Variants in UNC80 observed in about 807,000 individuals in gnomAD.
The protein encoded by UNC80 is protein unc-80 homolog.
In UNC80, 164 loss-of-function variants were observed where a neutral mutation model predicts 384.6. The ratio of observed to expected loss-of-function variants is 0.43; its 90% CI spans 0.38 to 0.49. The LOEUF (loss-of-function observed/expected upper bound fraction) is 0.49, where lower values mean the gene tolerates loss of function less well. Among genes scored for constraint, UNC80 ranks in the 20% least tolerant of loss-of-function variants. The pLI is 0.00. For missense variants in UNC80, 3,330 were observed against 4,143.0 expected (o/e 0.80, Z 5.39); for synonymous variants, 1,486 against 1,527.8 (o/e 0.97, Z 0.64).
At chr2:209,921,075 G>A (rs760651654) in intron 33 of UNC80, among the ~76,000 whole-genome samples, 15 of 152,070 alleles carry the variant, frequency 9.9e-5, no homozygotes, top group Admixed American at 2.6e-4. Flanking sequence ...TGATCCACCC[G>A]CCTCAGCCTT....
Position 209,984,865 on chromosome 2 carries a change from T to C in UNC80, c.9267T>C (p.Asn3089=). ...CCTACCCCTCCTGCAGTGAACCTAA[T>C]GTCCTCGATGACTCCCAGGGCCTGG... is the stretch of plus-strand genomic sequence containing the variant. ...VGMLPSQSEP[N]VLDDSQGLAA... is the part of the protein sequence containing the mutation. The change falls in exon 61 of 65, where the codon AAT becomes AAC. Residue 3089 remains asparagine, a synonymous_variant. Coordinates refer to ENST00000673920, the MANE Select transcript of UNC80 (RefSeq NM_001371986.1). The C allele has an allele frequency of 6.4e-7, 1 of 1,550,650 alleles. No homozygotes were observed. The highest frequency in any genetic ancestry group is 1.7e-4 in the Middle Eastern group (1 of 5,988).
At chr2:209,826,465 G>A (rs2080528294) in intron 14 of UNC80, among the ~76,000 whole-genome samples, 1 of 152,154 alleles carries the variant, frequency 6.6e-6, no homozygotes, top group Non-Finnish European at 1.5e-5. Flanking sequence ...AAAGTTTTAG[G>A]ACCTGGTTTG....
At chr2:209,781,184 A>T (rs779858119) in intron 4 of UNC80, among the ~76,000 whole-genome samples, 2 of 152,014 alleles carry the variant, frequency 1.3e-5, no homozygotes, top group Admixed American at 1.3e-4. Flanking sequence ...TTACTCTTCA[A>T]TCTCTTATTC....
intron 7 of UNC80, among the ~76,000 whole-genome samples, chr2:209,797,321 C>T (rs924164946): frequency 5.9e-5 from 9 of 152,124 alleles, no homozygotes; most frequent in Non-Finnish European, 1.3e-4. Context: ...AGTTCCCTCA[C>T]CTCACCCCCA....
chr2:209,824,841 T>C (rs2080394694), intron 13 of UNC80, among the ~76,000 whole-genome samples: 1 of 152,172 alleles, frequency 6.6e-6, no homozygotes, highest in South Asian at 2.1e-4. Context: ...TTTGAGTACT[T>C]ATATCTGGTT....
intron 59 of UNC80, among the ~76,000 whole-genome samples, 157 bp from the exon 60 acceptor site, chr2:209,982,022 G>GT (rs2093169332): frequency 6.6e-6 from 1 of 152,290 alleles, no homozygotes; most frequent in Non-Finnish European, 1.5e-5. Context: ...AAAGGTCTAA[G>GT]TTTTTTTATC....
chr2:209,775,196 A>G (rs920573772), intron 2 of UNC80, among the ~76,000 whole-genome samples: 1 of 152,200 alleles, frequency 6.6e-6, no homozygotes, highest in African/African-American at 2.4e-5. Context: ...CCGGAGTGCT[A>G]CACTCTCTGA....
At chr2:209,823,296 A>G (rs1194018620) in intron 13 of UNC80, among the ~76,000 whole-genome samples, 3 of 152,248 alleles carry the variant, frequency 2.0e-5, no homozygotes, top group African/African-American at 7.2e-5. Flanking sequence ...ACCTGAATAG[A>G]TATTTACAAA....
intron 60 of UNC80, among the ~76,000 whole-genome samples, chr2:209,984,179 C>G (rs2093228659): frequency 6.6e-6 from 1 of 152,236 alleles, no homozygotes; most frequent in Non-Finnish European, 1.5e-5. Flanking sequence ...TAATTATTCT[C>G]TCACCAACCT....
At chr2:209,773,027 G>A (rs114097038) in intron 1 of UNC80, 67 bp from the exon 2 acceptor site, 16,116 of 1,280,516 alleles carry the variant, frequency 0.013, 120 homozygotes, top group Non-Finnish European at 0.014. Flanking sequence ...TGAAAAATAC[G>A]TCACAAGGAT....
intron 42 of UNC80, among the ~76,000 whole-genome samples, 185 bp from the exon 43 acceptor site, chr2:209,939,287 T>A (rs2091465229): frequency 6.6e-6 from 1 of 152,186 alleles, no homozygotes. Flanking sequence ...AAGAGGCAAT[T>A]GAGAATTGTT....
At position 209,964,656 on chromosome 2, in the gene UNC80, C is replaced by T. The variant is rs193064011; in HGVS notation, c.7806-2781C>T. On this transcript the variant is annotated intron_variant, in intron 51 of 64. Transcript: ENST00000673920. ...TACAAAAATTAGCTGGGCGTGGTGG[C>T]ATGCGCCTGTAGTCCCAGCTACTCA... Among the ~76,000 whole-genome samples the T allele has an allele frequency of 1.6e-3, 242 of 151,974 alleles. 1 individual carries two copies. The highest frequency in any genetic ancestry group is 5.6e-3 in the African/African-American group (234 of 41,460).
intron 7 of UNC80, among the ~76,000 whole-genome samples, chr2:209,800,192 C>CT (rs1236386392): frequency 6.6e-6 from 1 of 151,978 alleles, no homozygotes; most frequent in African/African-American, 2.4e-5. Flanking sequence ...TGGTCCTGGG[C>CT]TTTTTTTGGT....
intron 14 of UNC80, among the ~76,000 whole-genome samples, chr2:209,827,509 A>G (rs2080625269): frequency 1.3e-5 from 2 of 152,174 alleles, no homozygotes; most frequent in Non-Finnish European, 2.9e-5. Flanking sequence ...AGCACCGAAC[A>G]CTTCCTATGA....
In UNC80 at chr2:209,872,688, C is replaced by T; in HGVS notation, c.3628-70C>T. The T allele has an allele frequency of 3.0e-6, 4 of 1,313,052 alleles. No homozygotes were observed. The highest frequency in any genetic ancestry group is 4.3e-6 in the Non-Finnish European group (4 of 933,276). The allele number at this position is 1,313,052 out of a possible 1,614,324, so 81.3% of individuals were successfully genotyped here. A position where few individuals can be genotyped will look rare whatever the true frequency, so the allele number is the denominator to read the frequency against. On this transcript the variant is annotated intron_variant, in intron 22 of 64. Transcript: ENST00000673920. The surrounding 1 kb of genome is among the most constrained non-coding windows in gnomAD (Gnocchi z 4.1). ...AATAAACTAAAAATACACAGTAATT[C>T]CCTTTAAGACCAATTTAAAGTTATT...
At chr2:209,816,878 G>T (rs1011906098) in intron 9 of UNC80, 31 bp from the exon 10 acceptor site, 7 of 1,547,170 alleles carry the variant, frequency 4.5e-6, no homozygotes, top group Non-Finnish European at 6.1e-6. Flanking sequence ...TCTTTGCCCT[G>T]TGCCTAATTC....
At chr2:209,993,248 TAAAG>T (rs2093423979) in intron 62 of UNC80, 63 bp from the exon 63 acceptor site, 9 of 1,234,970 alleles carry the variant, frequency 7.3e-6, no homozygotes, top group South Asian at 4.2e-5. Flanking sequence ...AACATATAAA[TAAAG>T]AAACAATTTC....
chr2:209,849,465 G>C lies in UNC80; in HGVS notation c.3469G>C (p.Asp1157His). 4 of 1,550,796 alleles carry C rather than the reference G, an allele frequency of 2.6e-6. No homozygotes were observed. Among genetic ancestry groups the C allele is most frequent in the Non-Finnish European group, 3.5e-6 (4 of 1,146,368 alleles). ...CACCTTTACAGGTTGCCACAGTTTT[G>C]ATGATCATCTCTCTCCCAACCAAGA... is the stretch of plus-strand genomic sequence containing the variant. The part of the protein sequence containing the change: ...FFKRLGCHSF[D>H]DHLSPNQDGG... Residue 1157 changes from aspartate to histidine, a missense_variant, in exon 22 of 65, where the codon GAT becomes CAT. By Grantham distance (81) the Asp-to-His change is moderately conservative. This residue lies in a region of UNC80 where 801 missense variants were observed against 950.8 expected (regional missense o/e 0.84). Coordinates refer to ENST00000673920, the MANE Select transcript of UNC80 (RefSeq NM_001371986.1).
At chr2:209,792,792 T>C (rs987677280) in intron 6 of UNC80, among the ~76,000 whole-genome samples, 1 of 152,234 alleles carries the variant, frequency 6.6e-6, no homozygotes, top group Non-Finnish European at 1.5e-5. Context: ...ATGTGGCTGT[T>C]TGTGGCTTGC....
Sources: gnomAD v4.1 joint callset for allele counts (sites outside exome capture counted in the v4.1 genomes callset) on GRCh38, gnomAD v4.1.1 for gene constraint, gnomAD v4.1.1 regional missense constraint, Gnocchi (gnomAD v3.1) non-coding constraint, MANE v1.5 for transcripts, NCBI Gene and HGNC (gene_info 2026-07-23, HGNC 2026-07-21) for gene names.